MED12L: variants seen among roughly 807,000 people sequenced by gnomAD.
The protein encoded by MED12L is mediator of RNA polymerase II transcription subunit 12-like protein.
A neutral mutation model predicts 281.3 loss-of-function variants in MED12L; 60 were observed. The ratio of observed to expected loss-of-function variants is 0.21; its 90% CI spans 0.17 to 0.26. The LOEUF (loss-of-function observed/expected upper bound fraction) is 0.26. MED12L is among the 10% of genes least tolerant of loss of function. The pLI is 1.00. For missense variants in MED12L, 2,146 were observed against 2,680.9 expected, an observed-to-expected ratio of 0.80 and a Z score of 4.41; for synonymous variants, 974 against 987.2, an observed-to-expected ratio of 0.99 and a Z score of 0.25.
At chr3:151,277,921 G>A (rs534880392) in intron 16 of MED12L, among the ~76,000 whole-genome samples, 33 of 152,264 alleles carry the variant, frequency 2.2e-4, no homozygotes, top group Non-Finnish European at 4.0e-4. Flanking sequence ...TATGCTAATC[G>A]ATTTTGTAGT....
chr3:151,390,081 G>A lies in MED12L; in HGVS notation c.5554G>A (p.Val1852Met), dbSNP rs201426495. The change falls in exon 38 of 45, where the codon GTG becomes ATG. Residue 1852 changes from valine (V) to methionine (M), a missense_variant. Physicochemically the swap from Val to Met is conservative, Grantham distance 21. Transcript: ENST00000687756. ...PQSTLWGYNL[V>M]GQPQQPGFFL... ...GTCCACCTTGTGGGGTTACAACCTC[G>A]TGGGCCAGCCCCAGCAGCCCGGCTT... 19 of 1,614,094 alleles carry A rather than the reference G, an allele frequency of 1.2e-5. No individual in the cohort carries two copies. Among genetic ancestry groups the A allele is most frequent in the East Asian group, 8.9e-5 (4 of 44,880 alleles).
rs376325564 is a variant in MED12L at position 151,218,815 on chromosome 3, C to T, written c.2250+25149C>T. On this transcript the variant is annotated intron_variant, in intron 16 of 44. Coordinates refer to ENST00000687756, the MANE Select transcript of MED12L (RefSeq NM_001393769.1). ...CTGGGAGGCGGAGGTTGCAGTGAGC[C>T]GAGATCCCACCATTGCACTCCAGCC... Among the ~76,000 whole-genome samples the T allele has an allele frequency of 1.2e-3, 161 of 135,158 alleles. 2 individuals carry two copies. The South Asian group carries it at 0.037, about 31-fold the overall frequency. 88.7% of individuals were successfully genotyped at this position (135,158 alleles called of 152,430 possible).
intron 5 of MED12L, among the ~76,000 whole-genome samples, chr3:151,128,816 C>A (rs1197137856): frequency 1.3e-5 from 2 of 152,186 alleles, no homozygotes; most frequent in African/African-American, 4.8e-5. Flanking sequence ...TTGTATCTGT[C>A]ACTCTGTGCC....
At chr3:151,306,321 A>G (rs2149751314) in intron 16 of MED12L, among the ~76,000 whole-genome samples, 1 of 152,280 alleles carries the variant, frequency 6.6e-6, no homozygotes, top group South Asian at 2.1e-4. Flanking sequence ...TGATTAGTTC[A>G]CACCTGAGAA....
intron 31 of MED12L, among the ~76,000 whole-genome samples, chr3:151,378,545 A>G (rs1046132055): frequency 4.6e-5 from 7 of 151,918 alleles, no homozygotes; most frequent in Non-Finnish European, 8.8e-5. Flanking sequence ...TATAATGTAT[A>G]ATTCTGGCAT....
chr3:151,239,668 C>T (rs1346756358), intron 16 of MED12L, among the ~76,000 whole-genome samples: 2 of 152,102 alleles, frequency 1.3e-5, no homozygotes, highest in South Asian at 2.1e-4. Context: ...CTTTGAGGTC[C>T]TCAGTAATTT....
At chr3:151,142,022 C>T (rs1477652004) in intron 5 of MED12L, among the ~76,000 whole-genome samples, 1 of 152,182 alleles carries the variant, frequency 6.6e-6, no homozygotes, top group African/African-American at 2.4e-5. Context: ...TTGGTATATA[C>T]GTGCATACTT....
At chr3:151,363,142 G>A (rs143421764) in intron 21 of MED12L, among the ~76,000 whole-genome samples, 43 of 152,178 alleles carry the variant, frequency 2.8e-4, no homozygotes, top group Non-Finnish European at 5.7e-4. Context: ...AGTGAATAGA[G>A]TAATTACTCA....
At chr3:151,095,184 G>T (rs927984611) in intron 2 of MED12L, among the ~76,000 whole-genome samples, 19 of 152,262 alleles carry the variant, frequency 1.2e-4, no homozygotes, top group Non-Finnish European at 2.8e-4. Context: ...TGACCTGCAG[G>T]AGCAGGTTTA....
At position 151,096,656 on chromosome 3, in the gene MED12L, T is replaced by TG. The variant is rs201747119; in HGVS notation, c.99+9639dup. On this transcript the variant is annotated intron_variant, in intron 2 of 44. Coordinates refer to ENST00000687756, the MANE Select transcript of MED12L (RefSeq NM_001393769.1). The stretch of plus-strand genomic sequence containing the variant: ...GGGAGATTCTGTAGGTCTGCTATTT[T>TG]GGGGGGGGAAGCCATGCATGTTTAT... 7.3e-4 allele frequency among the ~76,000 whole-genome samples: 111 copies of TG among 152,006 alleles called. 1 individual carries two copies. The highest frequency in any genetic ancestry group is 4.8e-3 in the South Asian group (23 of 4,802).
chr3:151,138,842 C>T (rs891813041), intron 5 of MED12L, among the ~76,000 whole-genome samples: 1 of 152,128 alleles, frequency 6.6e-6, no homozygotes, highest in Non-Finnish European at 1.5e-5. Context: ...TCCCTCCCAT[C>T]CCTTTCCACA....
chr3:151,184,361 A>G (rs1440681947), intron 11 of MED12L, among the ~76,000 whole-genome samples: 2 of 152,212 alleles, frequency 1.3e-5, no homozygotes, highest in Non-Finnish European at 2.9e-5. Flanking sequence ...GCGTGTGCTC[A>G]TAGCCATATC....
chr3:151,300,201 G>A (rs898743878), intron 16 of MED12L: 1 of 841,898 alleles, frequency 1.2e-6, no homozygotes, highest in Non-Finnish European at 2.1e-6. Context: ...TTTGATTTCT[G>A]GGGAGAAAAT....
intron 34 of MED12L, 79 bp downstream of exon 34, chr3:151,383,967 C>A: frequency 6.8e-7 from 1 of 1,478,912 alleles, no homozygotes; most frequent in South Asian, 1.2e-5. Flanking sequence ...GCGATTTCTG[C>A]CACATCTTAT....
intron 42 of MED12L, among the ~76,000 whole-genome samples, chr3:151,415,364 G>T (rs183888343): frequency 6.9e-4 from 105 of 152,302 alleles, no homozygotes; most frequent in Non-Finnish European, 1.1e-3. Flanking sequence ...CTTAGAAGAG[G>T]TTCTAGAGGG....
chr3:151,246,308 G>A (rs1421113165), intron 16 of MED12L, among the ~76,000 whole-genome samples: 4 of 152,024 alleles, frequency 2.6e-5, no homozygotes, highest in African/African-American at 7.3e-5. Flanking sequence ...AGCCCGTATC[G>A]CCAAGTCAAT....
chr3:151,122,751 T>G (rs959357212), intron 3 of MED12L, 32 bp from the exon 4 acceptor site: 2 of 1,518,800 alleles, frequency 1.3e-6, no homozygotes, highest in Non-Finnish European at 1.8e-6. Flanking sequence ...CTTATTGTCT[T>G]AACTTTCCCT....
At chr3:151,091,746 A>G (rs895825775) in intron 2 of MED12L, among the ~76,000 whole-genome samples, 1 of 152,152 alleles carries the variant, frequency 6.6e-6, no homozygotes, top group African/African-American at 2.4e-5. Context: ...CTTGGCCTTC[A>G]AGGCCCTACC....
rs768529548 is a variant in MED12L at position 151,355,211 on chromosome 3, A to T, written c.2489A>T (p.Tyr830Phe). The change falls in exon 18 of 45, where the codon TAT becomes TTT. Residue 830 changes from tyrosine (Y) to phenylalanine (F), a missense_variant. Around this residue, in one of 9 missense-constraint regions of MED12L, gnomAD observed 404 missense variants for 603.5 expected, o/e 0.67. Transcript: ENST00000687756. The part of the protein sequence containing the change: ...TVFTKLQLLS[Y>F]FDQHQVTSQI... ...TTCACTAAACTCCAGCTCCTTTCATATTTTGATCAACATCAAGTGACATCT... is the reference window on the plus strand; with the variant it reads ...TTCACTAAACTCCAGCTCCTTTCATTTTTTGATCAACATCAAGTGACATCT... 6.2e-7 allele frequency: 1 copy of T among 1,613,170 alleles called. No individual in the cohort carries two copies. The highest frequency in any genetic ancestry group is 8.5e-7 in the Non-Finnish European group (1 of 1,179,254).
Sources: gnomAD v4.1 joint callset for allele counts (sites outside exome capture counted in the v4.1 genomes callset) on GRCh38, gnomAD v4.1.1 for gene constraint, gnomAD v4.1.1 regional missense constraint, MANE v1.5 for transcripts, NCBI Gene and HGNC (gene_info 2026-07-23, HGNC 2026-07-21) for gene names.